The following DNM2 variants were observed in gnomAD, a reference collection of about 807,000 sequenced individuals.
The protein encoded by DNM2 is dynamin-2.
DNM2 carries 15 observed loss-of-function variants against 99.0 expected under a neutral mutation model. The observed-to-expected ratio is 0.15, with a 90% CI of 0.10 to 0.23. DNM2 has a LOEUF of 0.23. Among genes scored for constraint, DNM2 ranks in the 10% least tolerant of loss-of-function variants. DNM2 has a pLI of 1.00. For missense variants in DNM2, 742 were observed against 1,189.4 expected (o/e 0.62, Z 5.53); for synonymous variants, 525 against 481.2 (o/e 1.09, Z -1.19).
At chr19:10,759,368 G>C (rs188626880) in intron 1 of DNM2, among the ~76,000 whole-genome samples, 1 of 151,982 alleles carries the variant, frequency 6.6e-6, no homozygotes, top group Non-Finnish European at 1.5e-5. Flanking sequence ...AACTTTCCTC[G>C]TATTTTACCC....
intron 1 of DNM2, among the ~76,000 whole-genome samples, chr19:10,723,704 T>G (rs1383107627): frequency 1.3e-5 from 2 of 152,246 alleles, no homozygotes; most frequent in East Asian, 1.9e-4. Flanking sequence ...AAAAAATGTT[T>G]CCTGAGTACT....
At position 10,759,730 on chromosome 19, in the gene DNM2, C is replaced by G. The variant is rs747484495; in HGVS notation, c.162-8C>G. The G allele has an allele frequency of 1.8e-5, 29 of 1,614,060 alleles. No individual in the cohort carries two copies. The East Asian group carries it at 2.2e-4, about 12-fold the overall frequency. The stretch of plus-strand genomic sequence containing the variant: ...AGAGTAATTTCTGTCCCTCTCCCCC[C>G]CTCACAGGGACTTCCTTCCCCGCGG... On this transcript the variant is annotated splice_polypyrimidine_tract_variant and splice_region_variant and intron_variant, in intron 1 of 20. Transcript: ENST00000389253.
At chr19:10,782,738 C>T (rs1271227080) in intron 5 of DNM2, among the ~76,000 whole-genome samples, 1 of 152,254 alleles carries the variant, frequency 6.6e-6, no homozygotes, top group African/African-American at 2.4e-5. Flanking sequence ...CCTGCGCACA[C>T]AGGCTGGATG....
At chr19:10,720,631 G>A (rs2068908373) in intron 1 of DNM2, among the ~76,000 whole-genome samples, 1 of 152,098 alleles carries the variant, frequency 6.6e-6, no homozygotes, top group Non-Finnish European at 1.5e-5. Context: ...CAGGAGGCTG[G>A]CCCTGGGAGG....
intron 1 of DNM2, among the ~76,000 whole-genome samples, chr19:10,718,977 G>A (rs937945738): frequency 3.9e-5 from 6 of 152,114 alleles, no homozygotes; most frequent in African/African-American, 1.4e-4. Context: ...CTGTCTGGCC[G>A]CCCATCCGTG....
intron 1 of DNM2, among the ~76,000 whole-genome samples, chr19:10,742,572 T>A (rs2069793392): frequency 6.6e-6 from 1 of 152,202 alleles, no homozygotes; most frequent in Non-Finnish European, 1.5e-5. Context: ...CTGCAGAGTC[T>A]TCACCCAATG....
intron 5 of DNM2, among the ~76,000 whole-genome samples, chr19:10,778,170 G>A (rs944504498): frequency 7.9e-5 from 12 of 151,982 alleles, no homozygotes; most frequent in Middle Eastern, 3.4e-3. Context: ...GAGTAGCTGG[G>A]ATTACAGGTG....
intron 13 of DNM2, among the ~76,000 whole-genome samples, chr19:10,807,486 C>T (rs1471034562): frequency 2.6e-5 from 4 of 151,086 alleles, no homozygotes; most frequent in Middle Eastern, 3.5e-3. Flanking sequence ...GTGATCCACC[C>T]GCCTCGGCCT....
At chr19:10,719,442 G>A (rs1366382693) in intron 1 of DNM2, among the ~76,000 whole-genome samples, 1 of 152,158 alleles carries the variant, frequency 6.6e-6, no homozygotes, top group African/African-American at 2.4e-5. Flanking sequence ...GGCCTCAGTG[G>A]CTAGCGCTGG....
intron 1 of DNM2, among the ~76,000 whole-genome samples, chr19:10,757,715 C>A (rs908153713): frequency 6.6e-6 from 1 of 152,006 alleles, no homozygotes; most frequent in Non-Finnish European, 1.5e-5. Flanking sequence ...GAGGCCAAGG[C>A]GGGCAGATCA....
At chr19:10,766,632 T>TCACAC (rs2070805604) in intron 2 of DNM2, among the ~76,000 whole-genome samples, 1 of 151,764 alleles carries the variant, frequency 6.6e-6, no homozygotes, top group Non-Finnish European at 1.5e-5. Flanking sequence ...GGAACTGTGA[T>TCACAC]CACACCAAGT....
In DNM2 at chr19:10,812,251, C is replaced by T. The variant is rs755260650; in HGVS notation, c.1558-13C>T. On this transcript the variant is annotated splice_polypyrimidine_tract_variant and intron_variant, in intron 14 of 20. Coordinates refer to ENST00000389253, the MANE Select transcript of DNM2 (RefSeq NM_001005361.3). The surrounding 1 kb of genome is among the most constrained non-coding windows in gnomAD (Gnocchi z 4.0). ...GAGCGAGGTTCCCTGCTAAGCTGCG[C>T]GCTTTCCCCCAGGTGATCCGCAGGG... The T allele has an allele frequency of 1.3e-5, 20 of 1,581,368 alleles. No individual in the cohort carries two copies. The highest frequency in any genetic ancestry group is 1.7e-4 in the Middle Eastern group (1 of 6,034).
chr19:10,766,346 G>A (rs1029818406), intron 2 of DNM2, among the ~76,000 whole-genome samples: 1 of 152,120 alleles, frequency 6.6e-6, no homozygotes, highest in East Asian at 1.9e-4. Context: ...AGGAGGCTCC[G>A]AAGACCTCCA....
chr19:10,803,447 C>G (rs550662700), intron 12 of DNM2, among the ~76,000 whole-genome samples: 52 of 152,308 alleles, frequency 3.4e-4, no homozygotes, highest in Non-Finnish European at 7.4e-5. Flanking sequence ...TGGCAGCCCC[C>G]GGCCCTGTGC....
intron 11 of DNM2, among the ~76,000 whole-genome samples, chr19:10,800,106 C>T (rs56171386): frequency 6.6e-6 from 1 of 152,248 alleles, no homozygotes; most frequent in African/African-American, 2.4e-5. Context: ...ATCCACCCAC[C>T]TCAGCCTCCC....
chr19:10,793,201 G>A (rs185988644), intron 7 of DNM2, among the ~76,000 whole-genome samples: 25 of 152,298 alleles, frequency 1.6e-4, no homozygotes, highest in African/African-American at 5.1e-4. Flanking sequence ...CAGTCTCCAC[G>A]AAGGAGGTAG....
chr19:10,783,171 A>C, intron 6 of DNM2, 51 bp downstream of exon 6: 1 of 1,597,584 alleles, frequency 6.3e-7, no homozygotes. Flanking sequence ...TGTGCACTGC[A>C]CAACAGCTGC....
chr19:10,742,917 T>C (rs572798149), intron 1 of DNM2, among the ~76,000 whole-genome samples: 94 of 149,192 alleles, frequency 6.3e-4, no homozygotes, highest in South Asian at 4.1e-3. Context: ...TTCTTTCTTT[T>C]TTTTTTTTTT....
chr19:10,820,194 C>G lies in DNM2; in HGVS notation c.1781+105C>G. The G allele has an allele frequency of 8.9e-7, 1 of 1,123,012 alleles. No individual in the cohort carries two copies. The highest frequency in any genetic ancestry group is 1.3e-6 in the Non-Finnish European group (1 of 746,158). The allele number at this position is 1,123,012 out of a possible 1,614,324, so 69.6% of individuals were successfully genotyped here. On this transcript the variant is annotated intron_variant, in intron 16 of 20. Transcript: ENST00000389253. This position sits in a 1 kb window ranked among gnomAD's most constrained non-coding sequence, Gnocchi z 4.3. Reference sequence around the variant, plus strand: ...CTGAGCACCTGGCTGTCAGCAGTCCCTGCCCTTGGGACCCAGCTTTTAGAA... The same window carrying G: ...CTGAGCACCTGGCTGTCAGCAGTCCGTGCCCTTGGGACCCAGCTTTTAGAA...
Sources: gnomAD v4.1 joint callset for allele counts (sites outside exome capture counted in the v4.1 genomes callset) on GRCh38, gnomAD v4.1.1 for gene constraint, Gnocchi (gnomAD v3.1) non-coding constraint, MANE v1.5 for transcripts, NCBI Gene and HGNC (gene_info 2026-07-23, HGNC 2026-07-21) for gene names.